Variants in TDRD12 observed in about 807,000 individuals in gnomAD.
TDRD12 encodes tudor domain containing 12, also known as putative ATP-dependent RNA helicase TDRD12.
TDRD12 carries 158 observed loss-of-function variants against 133.5 expected under a neutral mutation model. The ratio of observed to expected loss-of-function variants is 1.18; its 90% CI spans 1.04 to 1.35. The LOEUF is 1.35. Ranked by LOEUF, TDRD12 falls within the 40% of genes most tolerant of loss-of-function variation. The pLI is 0.00. For missense variants in TDRD12, 1,443 were observed against 1,321.3 expected (o/e 1.09, Z -1.43); for synonymous variants, 460 against 477.9 (o/e 0.96, Z 0.49).
intron 6 of TDRD12, among the ~76,000 whole-genome samples, chr19:32,751,185 T>C (rs1469944979): frequency 1.9e-4 from 28 of 147,880 alleles, no homozygotes; most frequent in Non-Finnish European, 4.2e-4. Flanking sequence ...CTGCCACTTA[T>C]AAGCGAGAAC....
At chr19:32,722,168 C>T (rs981287946) in intron 1 of TDRD12, among the ~76,000 whole-genome samples, 2 of 152,184 alleles carry the variant, frequency 1.3e-5, no homozygotes, top group South Asian at 4.1e-4. Context: ...GCGAGCTCCT[C>T]TCCTCCAGTC....
At chr19:32,788,120 T>C (rs1267054584) in intron 11 of TDRD12, among the ~76,000 whole-genome samples, 2 of 152,002 alleles carry the variant, frequency 1.3e-5, no homozygotes, top group African/African-American at 4.8e-5. Context: ...TACTTTTTTT[T>C]TTCTTTTTTT....
At chr19:32,738,895 A>T in exon 3 of TDRD12, 1 of 1,551,442 alleles carries the variant, frequency 6.4e-7, no homozygotes, top group Non-Finnish European at 8.7e-7. Context: ...GTGCTGGTGC[A>T]GGGCCATTGT....
At chr19:32,786,419 G>A (rs986712670) in intron 11 of TDRD12, among the ~76,000 whole-genome samples, 20 of 152,166 alleles carry the variant, frequency 1.3e-4, no homozygotes, top group Middle Eastern at 3.4e-3. Flanking sequence ...TGCTCTTCTC[G>A]AAAGTATCTT....
At chr19:32,801,000 C>A (rs576197077) in intron 18 of TDRD12, among the ~76,000 whole-genome samples, 1 of 151,742 alleles carries the variant, frequency 6.6e-6, no homozygotes, top group East Asian at 1.9e-4. Flanking sequence ...CAGCAGCGTT[C>A]CCCAGGGCAG....
At chr19:32,794,759 G>A in exon 14 of TDRD12, 1 of 703,464 alleles carries the variant, frequency 1.4e-6, no homozygotes, top group South Asian at 1.5e-5. Flanking sequence ...TCCTACCAGT[G>A]TTGACAGTTT....
chr19:32,753,670 A>AAT (rs1969903136), intron 6 of TDRD12, among the ~76,000 whole-genome samples: 1 of 130,478 alleles, frequency 7.7e-6, no homozygotes, highest in African/African-American at 2.9e-5. Flanking sequence ...CACCTGGCTA[A>AAT]TTTTTTTTTT....
chr19:32,826,061 A>G (rs776191460), downstream of TDRD12: 8 of 1,508,552 alleles, frequency 5.3e-6, no homozygotes, highest in South Asian at 1.2e-5. Context: ...TTACATATAA[A>G]TAACCTGTAG....
intron 1 of TDRD12, among the ~76,000 whole-genome samples, chr19:32,721,888 T>G (rs1968692622): frequency 6.6e-6 from 1 of 150,450 alleles, no homozygotes; most frequent in East Asian, 2.0e-4. Context: ...TTTTTTTTTT[T>G]TGTATTTTTA....
chr19:32,748,387 GA>G, intron 4 of TDRD12, 88 bp from the exon 5 acceptor site: 1 of 1,308,750 alleles, frequency 7.6e-7, no homozygotes. Flanking sequence ...TGTAGTGTGA[GA>G]AATGTCCAGT....
rs569505225 is a variant in TDRD12, at chr19:32,758,098, T to C, written c.865+968T>C. On this transcript the variant is annotated intron_variant, in intron 8 of 27. Transcript: ENST00000444215. ...CCACTCAGCCCATCTGTGCTATAGA[T>C]TGTATCCGCATTTGGCAGTTCCCAA... Among the ~76,000 whole-genome samples, 14 of 152,260 alleles carry C rather than the reference T, an allele frequency of 9.2e-5. 1 individual carries two copies. Among genetic ancestry groups the C allele is most frequent in the Admixed American group, 5.9e-4 (9 of 15,288 alleles).
At chr19:32,777,291 A>ACC in intron 11 of TDRD12, 62 bp downstream of exon 11, 2 of 1,036,486 alleles carry the variant, frequency 1.9e-6, no homozygotes, top group Non-Finnish European at 2.8e-6. Flanking sequence ...ATTATAAACA[A>ACC]GAGAAATCTA....
chr19:32,745,981 TCTG>T (rs1969603493), intron 4 of TDRD12, among the ~76,000 whole-genome samples: 1 of 109,844 alleles, frequency 9.1e-6, no homozygotes, highest in South Asian at 2.9e-4. Flanking sequence ...ATGTGGTCAT[TCTG>T]TGTGTGTGTG....
At chr19:32,732,992 A>G (rs1331197681) in intron 2 of TDRD12, among the ~76,000 whole-genome samples, 1 of 152,040 alleles carries the variant, frequency 6.6e-6, no homozygotes, top group Admixed American at 6.6e-5. Flanking sequence ...TGGGCAACAT[A>G]GTAAGACCCT....
chr19:32,748,646 A>G (rs1756020335), intron 5 of TDRD12, 115 bp downstream of exon 5: 1 of 1,015,320 alleles, frequency 9.8e-7, no homozygotes, highest in Non-Finnish European at 1.4e-6. Context: ...CCCTCCTCAG[A>G]GGAGTTCCCT....
chr19:32,803,059 C>T, exon 21 of TDRD12: 1 of 1,536,102 alleles, frequency 6.5e-7, no homozygotes, highest in Non-Finnish European at 8.7e-7. Flanking sequence ...TGTACGAGTT[C>T]ACCGCAGGAG....
intron 14 of TDRD12, among the ~76,000 whole-genome samples, chr19:32,795,849 G>GC: frequency 6.6e-6 from 1 of 152,152 alleles, no homozygotes. Flanking sequence ...TGGAGCAGGA[G>GC]CAGGAGCAGG....
rs772906532 is a variant in TDRD12, at chr19:32,790,629, G to A, written c.1182+38G>A. 20 of 1,551,292 alleles carry A rather than the reference G, an allele frequency of 1.3e-5. No homozygotes were observed. In the African/African-American group the frequency reaches 1.9e-4, roughly 15 times the overall value. On this transcript the variant is annotated intron_variant, in intron 12 of 27. Coordinates refer to ENST00000444215, the Ensembl canonical transcript of TDRD12. ...CTAAAAAAAGTAAAATAAAAAGAGA[G>A]AAAAAACTGTTTATTCTTTAAATCC...
chr19:32,797,886 G>C (rs1200282963), exon 15 of TDRD12: 1 of 691,762 alleles, frequency 1.4e-6, no homozygotes, highest in East Asian at 2.7e-5. Context: ...AAGCTTCCAA[G>C]GGGCTGTAAG....
Sources: gnomAD v4.1 joint callset for allele counts (sites outside exome capture counted in the v4.1 genomes callset) on GRCh38, gnomAD v4.1.1 for gene constraint, MANE v1.5 for transcripts, NCBI Gene and HGNC (gene_info 2026-07-23, HGNC 2026-07-21) for gene names.